Variants in INPP4B observed in about 807,000 individuals in gnomAD.
INPP4B encodes the protein inositol polyphosphate-4-phosphatase type II B, also known as inositol polyphosphate 4-phosphatase type II.
INPP4B carries 55 observed loss-of-function variants against 122.5 expected under a neutral mutation model. That is an observed-to-expected ratio of 0.45 (90% CI 0.36 to 0.56). The LOEUF is 0.56. Among genes scored for constraint, INPP4B ranks in the 20% least tolerant of loss-of-function variants. The pLI is 0.00. For synonymous variants in INPP4B, 403 were observed against 388.7 expected (o/e 1.04, Z -0.43); for missense variants, 1,000 against 1,097.7 (o/e 0.91, Z 1.26).
At chr4:142,390,962 G>A (rs1388631512) in intron 7 of INPP4B, among the ~76,000 whole-genome samples, 1 of 152,120 alleles carries the variant, frequency 6.6e-6, no homozygotes, top group Non-Finnish European at 1.5e-5. Context: ...CAGGTTTCTA[G>A]TAACTTTAAA....
chr4:142,317,762 C>T (rs1445486168), intron 7 of INPP4B, among the ~76,000 whole-genome samples: 1 of 152,116 alleles, frequency 6.6e-6, no homozygotes, highest in African/African-American at 2.4e-5. Context: ...AATATAATCA[C>T]CAAGATGCAA....
intron 2 of INPP4B, among the ~76,000 whole-genome samples, chr4:142,677,086 C>T (rs1262657170): frequency 6.6e-6 from 1 of 152,088 alleles, no homozygotes; most frequent in Admixed American, 6.6e-5. Flanking sequence ...TTTTTGCAAT[C>T]TATCCATCTG....
intron 7 of INPP4B, among the ~76,000 whole-genome samples, chr4:142,361,934 G>A (rs1785554443): frequency 6.6e-6 from 1 of 151,932 alleles, no homozygotes; most frequent in African/African-American, 2.4e-5. Context: ...TCTTCACATT[G>A]TAGGAGATAT....
At chr4:142,842,974 A>G (rs979513130) in intron 1 of INPP4B, among the ~76,000 whole-genome samples, 1 of 144,552 alleles carries the variant, frequency 6.9e-6, no homozygotes, top group Non-Finnish European at 1.5e-5. Context: ...TATATAATGT[A>G]GTCCATAAAA....
intron 5 of INPP4B, among the ~76,000 whole-genome samples, chr4:142,408,812 T>C (rs1300860374): frequency 3.9e-5 from 6 of 152,208 alleles, no homozygotes; most frequent in Non-Finnish European, 5.9e-5. Flanking sequence ...TCTGCCTTCT[T>C]AATGGCTTTG....
At chr4:142,089,052 C>T (rs1294755360) in intron 23 of INPP4B, among the ~76,000 whole-genome samples, 3 of 152,102 alleles carry the variant, frequency 2.0e-5, no homozygotes, top group Non-Finnish European at 2.9e-5. Flanking sequence ...AGCAAAGGCA[C>T]GAGGCATGAG....
chr4:142,260,275 C>T (rs944880198), intron 11 of INPP4B, among the ~76,000 whole-genome samples: 3 of 152,082 alleles, frequency 2.0e-5, no homozygotes, highest in East Asian at 1.9e-4. Flanking sequence ...TGAGCCACCG[C>T]GCCTGGCTGA....
chr4:142,633,465 G>T lies in INPP4B; in HGVS notation c.-191+92374C>A, dbSNP rs1321995545. ...TATTTCCAAAACCACTGGAATATTT[G>T]CCAAAGCTGATCACTTGCTGGACTA... On this transcript the variant is annotated intron_variant, in intron 2 of 25. Coordinates refer to ENST00000262992, the MANE Select transcript of INPP4B (RefSeq NM_001101669.3). Among the ~76,000 whole-genome samples the T allele has an allele frequency of 3.9e-5, 6 of 152,148 alleles. No homozygotes were observed. In the East Asian group the frequency reaches 1.2e-3, roughly 29 times the overall value.
intron 2 of INPP4B, among the ~76,000 whole-genome samples, chr4:142,715,391 T>C (rs1483866315): frequency 6.6e-6 from 1 of 152,214 alleles, no homozygotes; most frequent in African/African-American, 2.4e-5. Context: ...AATAATCACA[T>C]GTGCCTAGTG....
At chr4:142,126,063 A>G in intron 18 of INPP4B, among the ~76,000 whole-genome samples, 1 of 152,192 alleles carries the variant, frequency 6.6e-6, no homozygotes, top group Non-Finnish European at 1.5e-5. Flanking sequence ...TATAATTATG[A>G]CTTTGGTATG....
At chr4:142,842,734 T>G (rs1239744415) in intron 1 of INPP4B, among the ~76,000 whole-genome samples, 1 of 131,462 alleles carries the variant, frequency 7.6e-6, no homozygotes, top group African/African-American at 2.8e-5. Context: ...TATTATAATA[T>G]TAATATAATA....
chr4:142,051,747 G>A (rs1754731125), intron 25 of INPP4B, among the ~76,000 whole-genome samples: 1 of 151,868 alleles, frequency 6.6e-6, no homozygotes, highest in Non-Finnish European at 1.5e-5. Context: ...AATCGTGATG[G>A]GTCACAAAGC....
chr4:142,402,802 C>A (rs1208618349), intron 7 of INPP4B, 136 bp downstream of exon 7: 7 of 606,448 alleles, frequency 1.2e-5, no homozygotes, highest in African/African-American at 1.9e-5. Flanking sequence ...GGGAAAAAAA[C>A]AACAAACGAT....
At chr4:142,620,090 CG>C (rs1291020671) in intron 2 of INPP4B, among the ~76,000 whole-genome samples, 1 of 151,820 alleles carries the variant, frequency 6.6e-6, no homozygotes, top group Non-Finnish European at 1.5e-5. Context: ...TGGAAAGCAT[CG>C]TGGAGATTTC....
chr4:142,043,597 A>G (rs1215000514), intron 25 of INPP4B, among the ~76,000 whole-genome samples: 1 of 150,908 alleles, frequency 6.6e-6, no homozygotes, highest in Non-Finnish European at 1.5e-5. Flanking sequence ...GGAATGATTC[A>G]CAGCTAGCTT....
At chr4:142,711,692 G>A (rs1763134545) in intron 2 of INPP4B, among the ~76,000 whole-genome samples, 1 of 152,140 alleles carries the variant, frequency 6.6e-6, no homozygotes, top group Non-Finnish European at 1.5e-5. Flanking sequence ...AAGAGGTGGG[G>A]ACTTTGGAAA....
intron 1 of INPP4B, among the ~76,000 whole-genome samples, chr4:142,819,065 G>C (rs1212833884): frequency 6.6e-6 from 1 of 152,128 alleles, no homozygotes; most frequent in African/African-American, 2.4e-5. Flanking sequence ...TGTGTGCTGG[G>C]ATTACTCTTT....
At chr4:142,737,830 T>C (rs1193226196) in intron 1 of INPP4B, among the ~76,000 whole-genome samples, 1 of 152,184 alleles carries the variant, frequency 6.6e-6, no homozygotes, top group Non-Finnish European at 1.5e-5. Flanking sequence ...AAAGAAGACA[T>C]TTATGCAGCC....
intron 23 of INPP4B, among the ~76,000 whole-genome samples, chr4:142,102,407 A>G (rs144715464): frequency 6.6e-6 from 1 of 151,752 alleles, no homozygotes; most frequent in East Asian, 1.9e-4. Flanking sequence ...AGGACATCAG[A>G]GAGAACCATG....
Sources: gnomAD v4.1 joint callset for allele counts (sites outside exome capture counted in the v4.1 genomes callset) on GRCh38, gnomAD v4.1.1 for gene constraint, MANE v1.5 for transcripts, NCBI Gene and HGNC (gene_info 2026-07-23, HGNC 2026-07-21) for gene names.